ITSN2: variants seen among roughly 807,000 people sequenced by gnomAD.
ITSN2 encodes the protein intersectin 2, also known as intersectin-2.
In ITSN2, 156 loss-of-function variants were observed where a neutral mutation model predicts 243.7. The observed-to-expected ratio is 0.64, with a 90% CI of 0.56 to 0.73. The LOEUF (loss-of-function observed/expected upper bound fraction) is 0.73. Among genes scored for constraint, ITSN2 ranks in the 30% least tolerant of loss-of-function variants. ITSN2 has a pLI of 0.00. For synonymous variants in ITSN2, 703 were observed against 699.9 expected, an observed-to-expected ratio of 1.00 and a Z score of -0.07; for missense variants, 1,801 against 1,996.1, an observed-to-expected ratio of 0.90 and a Z score of 1.86.
At chr2:24,281,990 G>A (rs1158093943) in intron 17 of ITSN2, among the ~76,000 whole-genome samples, 1 of 152,216 alleles carries the variant, frequency 6.6e-6, no homozygotes, top group African/African-American at 2.4e-5. Flanking sequence ...ATATGGGAGT[G>A]GGCCAGGGAA....
intron 15 of ITSN2, among the ~76,000 whole-genome samples, chr2:24,288,272 T>C (rs892958198): frequency 8.5e-5 from 13 of 152,126 alleles, no homozygotes; most frequent in African/African-American, 3.1e-4. Context: ...TCGAAGAGGC[T>C]ACCTTTTCCC....
chr2:24,253,901 A>G (rs1574026776), intron 24 of ITSN2, among the ~76,000 whole-genome samples: 3 of 152,186 alleles, frequency 2.0e-5, no homozygotes, highest in Admixed American at 6.5e-5. Context: ...CACATTAACA[A>G]AATCAAAATA....
At chr2:24,329,809 T>C (rs1468866481) in intron 1 of ITSN2, among the ~76,000 whole-genome samples, 1 of 152,224 alleles carries the variant, frequency 6.6e-6, no homozygotes, top group East Asian at 1.9e-4. Context: ...ACATACATCG[T>C]GGTCAACGTT....
At position 24,209,119 on chromosome 2, in the gene ITSN2, T is replaced by C. The variant is rs1321664548; in HGVS notation, c.4576A>G (p.Thr1526Ala). Residue 1526 changes from threonine (T) to alanine (A), a missense_variant, in exon 36 of 40, where the codon ACA becomes GCA. This residue lies in a region of ITSN2 where 928 missense variants were observed against 1,065.4 expected (regional missense o/e 0.87). Coordinates refer to ENST00000355123, the MANE Select transcript of ITSN2 (RefSeq NM_006277.3). ...ACTGACCTCTCATTAATGTTGTCTG[T>C]TCGGAGGGTGTAGACCCGATCAATG... ...SHIDRVYTLR[T>A]DNINERTAWV... 6.2e-7 allele frequency: 1 copy of C among 1,614,108 alleles called. No homozygotes were observed. The highest frequency in any genetic ancestry group is 1.1e-5 in the South Asian group (1 of 91,074).
At chr2:24,313,082 CTTTT>C (rs11442221) in intron 4 of ITSN2, among the ~76,000 whole-genome samples, 2 of 134,000 alleles carry the variant, frequency 1.5e-5, no homozygotes, top group Non-Finnish European at 1.6e-5. Flanking sequence ...GAAGAAATAC[CTTTT>C]TTTTTTTTTT....
chr2:24,252,541 T>C (rs1307304446), intron 24 of ITSN2, 30 bp from the exon 25 acceptor site: 2 of 1,538,498 alleles, frequency 1.3e-6, no homozygotes, highest in African/African-American at 2.8e-5. Context: ...AAGAAGTAGA[T>C]TCTGGTTTTA....
chr2:24,285,233 T>C (rs1679346229), intron 16 of ITSN2, among the ~76,000 whole-genome samples: 2 of 152,162 alleles, frequency 1.3e-5, no homozygotes, highest in Admixed American at 6.5e-5. Context: ...GGAAGATAAG[T>C]TGGCTGGCTT....
chr2:24,222,516 C>T (rs1670565696), intron 29 of ITSN2, among the ~76,000 whole-genome samples: 1 of 152,032 alleles, frequency 6.6e-6, no homozygotes, highest in Admixed American at 6.5e-5. Flanking sequence ...AAGTGCCACC[C>T]TTATTGATTC....
chr2:24,215,848 G>T (rs1048905507), intron 32 of ITSN2, among the ~76,000 whole-genome samples: 1 of 152,054 alleles, frequency 6.6e-6, no homozygotes, highest in African/African-American at 2.4e-5. Context: ...GGGAAAAAAT[G>T]ATGGTCCCAG....
chr2:24,283,953 G>A (rs1679145167), intron 17 of ITSN2, among the ~76,000 whole-genome samples: 1 of 152,142 alleles, frequency 6.6e-6, no homozygotes, highest in South Asian at 2.1e-4. Flanking sequence ...TGGGTCCCCT[G>A]CTGCTACCAT....
At chr2:24,320,051 T>A (rs1266169245) in intron 2 of ITSN2, among the ~76,000 whole-genome samples, 4 of 152,190 alleles carry the variant, frequency 2.6e-5, no homozygotes, top group Admixed American at 1.3e-4. Flanking sequence ...GTACCCAGAT[T>A]ACTGATTCAG....
At chr2:24,271,655 C>A in intron 19 of ITSN2, 111 bp downstream of exon 19, 1 of 1,339,410 alleles carries the variant, frequency 7.5e-7, no homozygotes, top group Non-Finnish European at 9.7e-7. Flanking sequence ...AAGGTTTTTT[C>A]TGACTCTACA....
chr2:24,331,476 C>T (rs550171430), intron 1 of ITSN2, among the ~76,000 whole-genome samples: 15 of 152,190 alleles, frequency 9.9e-5, no homozygotes, highest in African/African-American at 3.6e-4. Flanking sequence ...CGAAGCTGGA[C>T]TAATGTGGAG....
rs1558611147 is a variant in ITSN2 at position 24,313,488 on chromosome 2, G to A, written c.160C>T (p.Leu54=). 1.2e-6 allele frequency: 2 copies of A among 1,613,410 alleles called. No individual in the cohort carries two copies. Among genetic ancestry groups the A allele is most frequent in the Non-Finnish European group, 1.7e-6 (2 of 1,179,692 alleles). Residue 54 remains leucine, a synonymous_variant, in exon 4 of 40, where the codon CTG becomes TTG. Coordinates refer to ENST00000355123, the MANE Select transcript of ITSN2 (RefSeq NM_006277.3). Reference sequence around the variant, plus strand: ...ATTTCAGCTAAAACAGGGGCCGGCAGACCTGATTGTAGGAAAAAATTACGT... The same window carrying A: ...ATTTCAGCTAAAACAGGGGCCGGCAAACCTGATTGTAGGAAAAAATTACGT... ...QARNFFLQSG[L]PAPVLAEIWA...
intron 29 of ITSN2, chr2:24,239,402 A>T (rs1231132348): frequency 6.6e-6 from 1 of 152,062 alleles, no homozygotes; most frequent in African/African-American, 2.4e-5. Flanking sequence ...ATATTATTTT[A>T]AAATGACTCT....
At chr2:24,238,769 A>G (rs1672435557) in intron 29 of ITSN2, among the ~76,000 whole-genome samples, 1 of 152,198 alleles carries the variant, frequency 6.6e-6, no homozygotes, top group Non-Finnish European at 1.5e-5. Context: ...GACCACTTAT[A>G]CATTTATTTT....
chr2:24,265,231 T>A (rs1327948548), intron 20 of ITSN2, among the ~76,000 whole-genome samples: 3 of 152,246 alleles, frequency 2.0e-5, no homozygotes, highest in Admixed American at 6.5e-5. Flanking sequence ...AATCTTCCAA[T>A]CCATGAACAC....
rs575989656 is a variant in ITSN2 at position 24,328,088 on chromosome 2, T to C, written c.-6A>G. 1.9e-6 allele frequency: 3 copies of C among 1,613,758 alleles called. No individual in the cohort carries two copies. The highest frequency in any genetic ancestry group is 1.7e-5 in the Admixed American group (1 of 60,008). ...GTGGGAAACTGAGCCATCATGGTCC[T>C]GAGTTTTCCTTGCTAGCTCTCAGCC... is the stretch of plus-strand genomic sequence containing the variant. On this transcript the variant is annotated 5_prime_UTR_variant, in exon 2 of 40. Transcript: ENST00000355123.
At chr2:24,325,753 T>C (rs750174258) in intron 2 of ITSN2, among the ~76,000 whole-genome samples, 42 of 152,344 alleles carry the variant, frequency 2.8e-4, no homozygotes, top group South Asian at 1.0e-3. Flanking sequence ...ATTGAAAATA[T>C]GGGATTTTCA....
Sources: gnomAD v4.1 joint callset for allele counts (sites outside exome capture counted in the v4.1 genomes callset) on GRCh38, gnomAD v4.1.1 for gene constraint, gnomAD v4.1.1 regional missense constraint, MANE v1.5 for transcripts, NCBI Gene and HGNC (gene_info 2026-07-23, HGNC 2026-07-21) for gene names.